Variants in APOH observed in about 807,000 individuals in gnomAD.
The protein encoded by APOH is apolipoprotein H.
Under a neutral mutation model 39.8 loss-of-function variants are expected in APOH, and 48 were observed. The ratio of observed to expected loss-of-function variants is 1.21; its 90% confidence interval spans 0.96 to 1.54. APOH has a LOEUF of 1.54. Ranked by LOEUF, APOH falls within the 40% of genes most tolerant of loss-of-function variation. The pLI is 0.00. For synonymous variants in APOH, 153 were observed against 151.1 expected (o/e 1.01, Z -0.09); for missense variants, 415 against 421.2 (o/e 0.99, Z 0.13).
chr17:66,228,114 A>G lies in APOH; in HGVS notation c.147T>C (p.Tyr49=), dbSNP rs11551962. The change falls in exon 2 of 8, where the codon TAT becomes TAC. Residue 49 remains tyrosine, a synonymous_variant. Transcript: ENST00000205948. ...GGGACACATAGCCCGGCTTGCAGGAATACGTAATCTCTTCTCCTGGCTCAT... is the reference window on the plus strand; with the variant it reads ...GGGACACATAGCCCGGCTTGCAGGAGTACGTAATCTCTTCTCCTGGCTCAT... The part of the protein sequence containing the change: ...TFYEPGEEIT[Y]SCKPGYVSRG... The G allele has an allele frequency of 1.2e-6, 2 of 1,614,204 alleles. No homozygotes were observed. Among genetic ancestry groups the G allele is most frequent in the Non-Finnish European group, 1.7e-6 (2 of 1,180,024 alleles).
At chr17:66,213,269 C>G (rs1031635102) in intron 7 of APOH, among the ~76,000 whole-genome samples, 3 of 152,232 alleles carry the variant, frequency 2.0e-5, no homozygotes, top group Non-Finnish European at 4.4e-5. Context: ...ACATTTCAAC[C>G]CTAAATCTGA....
At chr17:66,222,342 C>G (rs1248000754) in intron 4 of APOH, among the ~76,000 whole-genome samples, 1 of 151,900 alleles carries the variant, frequency 6.6e-6, no homozygotes, top group South Asian at 2.1e-4. Flanking sequence ...TGTGATCACG[C>G]CACTGCACTC....
Position 66,220,747 on chromosome 17 carries a change from G to A in APOH, c.416-5C>T. 3 of 1,597,574 alleles carry A rather than the reference G, an allele frequency of 1.9e-6. No individual in the cohort carries two copies. The highest frequency in any genetic ancestry group is 2.6e-6 in the Non-Finnish European group (3 of 1,168,258). ...ATGGTGGAGGGCAGATGATGGCTGG[G>A]AAAATAAAGAACTATCATTTCTATG... On this transcript the variant is annotated splice_polypyrimidine_tract_variant and splice_region_variant and intron_variant, in intron 4 of 7. Coordinates refer to ENST00000205948, the MANE Select transcript of APOH (RefSeq NM_000042.3).
At chr17:66,217,066 T>C (rs1217916198) in intron 5 of APOH, 99 bp from the exon 6 acceptor site, 5 of 978,052 alleles carry the variant, frequency 5.1e-6, no homozygotes, top group East Asian at 2.9e-5. Flanking sequence ...ACTGAATCAC[T>C]GTGTGTTCCT....
intron 7 of APOH, 69 bp from the exon 8 acceptor site, chr17:66,212,257 G>T: frequency 7.5e-7 from 1 of 1,336,374 alleles, no homozygotes; most frequent in Non-Finnish European, 1.1e-6. Context: ...AAATAGCTAA[G>T]CCAAACCAAA....
In APOH at chr17:66,220,712, G is replaced by A. The variant is rs113544357; in HGVS notation, c.446C>T (p.Thr149Met). 2.9e-5 allele frequency: 47 copies of A among 1,613,896 alleles called. No individual in the cohort carries two copies. The Middle Eastern group carries it at 4.9e-4, about 17-fold the overall frequency. ...PIICPPPSIP[T>M]FATLRVYKPS... ...CTTATAAACACGAAGTGTTGCAAAC[G>A]TAGGTATGGATGGTGGAGGGCAGAT... The change falls in exon 5 of 8, where the codon ACG (threonine) becomes ATG (methionine). Residue 149 changes from threonine to methionine, a missense_variant. Coordinates refer to ENST00000205948, the MANE Select transcript of APOH (RefSeq NM_000042.3).
At chr17:66,227,027 C>T (rs909466248) in intron 2 of APOH, among the ~76,000 whole-genome samples, 1 of 151,958 alleles carries the variant, frequency 6.6e-6, no homozygotes, top group African/African-American at 2.4e-5. Flanking sequence ...GGACTACAGG[C>T]GCATGCCAGC....
At chr17:66,219,830 A>G (rs2073386718) in intron 5 of APOH, among the ~76,000 whole-genome samples, 2 of 152,136 alleles carry the variant, frequency 1.3e-5, no homozygotes, top group Admixed American at 6.5e-5. Flanking sequence ...AAGGCATGAG[A>G]ATCGCTTGAA....
At chr17:66,225,731 G>C (rs1194667578) in intron 3 of APOH, among the ~76,000 whole-genome samples, 1 of 152,098 alleles carries the variant, frequency 6.6e-6, no homozygotes, top group Admixed American at 6.5e-5. Context: ...CAAAAAATTA[G>C]CCGGGCGTGG....
At chr17:66,227,690 T>C (rs2073448065) in intron 2 of APOH, among the ~76,000 whole-genome samples, 1 of 152,244 alleles carries the variant, frequency 6.6e-6, no homozygotes, top group African/African-American at 2.4e-5. Flanking sequence ...TTTTTCCAAA[T>C]GTCTCTTTGG....
intron 3 of APOH, among the ~76,000 whole-genome samples, chr17:66,225,644 C>A (rs1218156155): frequency 6.6e-6 from 1 of 152,142 alleles, no homozygotes; most frequent in Admixed American, 6.6e-5. Flanking sequence ...TTGTTATATT[C>A]TCCAATCCTT....
rs972044088 is a variant in APOH, at chr17:66,225,570, T to C, written c.338+458A>G. On this transcript the variant is annotated intron_variant, in intron 3 of 7. Coordinates refer to ENST00000205948, the MANE Select transcript of APOH (RefSeq NM_000042.3). ...CCAGGTTCAATCATTTTAATGTACC[T>C]CCTCTGAGATAATTAATCAGGAGCA... Among the ~76,000 whole-genome samples, 10 of 152,312 alleles carry C rather than the reference T, an allele frequency of 6.6e-5. No individual in the cohort carries two copies. In the South Asian group the frequency reaches 1.7e-3, roughly 25 times the overall value.
In APOH at chr17:66,216,843, C is replaced by T. The variant is rs777337011; in HGVS notation, c.729G>A (p.Pro243=). 76 of 1,611,480 alleles carry T rather than the reference C, an allele frequency of 4.7e-5. No individual in the cohort carries two copies. Among genetic ancestry groups the T allele is most frequent in the East Asian group, 8.9e-5 (4 of 44,708 alleles). Residue 243 remains proline (P), a synonymous_variant, in exon 6 of 8, where the codon CCG becomes CCA. Transcript: ENST00000205948. ...GCHDGYSLDG[P]EEIECTKLGN... is the part of the protein sequence containing the mutation. Reference sequence around the variant, plus strand: ...CCAGTTTGGTACATTCTATTTCTTCCGGGCCATCCAGAGAATATCCATCAT... The same window carrying T: ...CCAGTTTGGTACATTCTATTTCTTCTGGGCCATCCAGAGAATATCCATCAT...
At chr17:66,225,975 G>A in intron 3 of APOH, 53 bp downstream of exon 3, 1 of 1,272,584 alleles carries the variant, frequency 7.9e-7, no homozygotes, top group Non-Finnish European at 1.1e-6. Context: ...TTAGCTTAAG[G>A]ATACAAAAAT....
intron 4 of APOH, 40 bp downstream of exon 4, chr17:66,223,658 T>A: frequency 1.3e-6 from 2 of 1,591,094 alleles, no homozygotes; most frequent in Non-Finnish European, 1.7e-6. Context: ...ACCAGAAAGG[T>A]TCTGGGCAAA....
chr17:66,223,805 G>T, intron 3 of APOH, 31 bp from the exon 4 acceptor site: 2 of 1,583,852 alleles, frequency 1.3e-6, no homozygotes, highest in Non-Finnish European at 1.7e-6. Flanking sequence ...CTATCAAGGA[G>T]TAAAATAATC....
chr17:66,224,439 A>C (rs1318961398), intron 3 of APOH, among the ~76,000 whole-genome samples: 1 of 130,302 alleles, frequency 7.7e-6, no homozygotes, highest in Non-Finnish European at 1.5e-5. Context: ...GTGCCACTGC[A>C]CTCTAGACTG....
chr17:66,227,880 AC>A, intron 2 of APOH, 139 bp downstream of exon 2: 1 of 804,592 alleles, frequency 1.2e-6, no homozygotes, highest in Admixed American at 2.7e-5. Context: ...ACTCCCCAAG[AC>A]CTTCTCATTT....
intron 3 of APOH, among the ~76,000 whole-genome samples, chr17:66,225,433 A>C (rs2073433657): frequency 6.6e-6 from 1 of 152,204 alleles, no homozygotes; most frequent in African/African-American, 2.4e-5. Flanking sequence ...TCTCTTCTAG[A>C]GACTACCAGG....
Sources: gnomAD v4.1 joint callset for allele counts (sites outside exome capture counted in the v4.1 genomes callset) on GRCh38, gnomAD v4.1.1 for gene constraint, MANE v1.5 for transcripts, NCBI Gene and HGNC (gene_info 2026-07-23, HGNC 2026-07-21) for gene names.